The following METTL14 variants were observed in gnomAD, a reference collection of about 807,000 sequenced individuals.
The protein encoded by METTL14 is N(6)-adenosine-methyltransferase non-catalytic subunit METTL14.
In METTL14, 32 loss-of-function variants were observed where a neutral mutation model predicts 62.4. The ratio of observed to expected loss-of-function variants is 0.51; its 90% CI spans 0.39 to 0.69. The LOEUF (loss-of-function observed/expected upper bound fraction) is 0.69, where lower values mean the gene tolerates loss of function less well. Ranked by LOEUF, METTL14 falls within the 30% of genes least tolerant of loss-of-function variation. The pLI is 0.00. For synonymous variants in METTL14, 150 were observed against 180.0 expected (o/e 0.83, Z 1.34); for missense variants, 340 against 551.9 (o/e 0.62, Z 3.85).
chr4:118,692,172 A>C (rs1724267893), intron 5 of METTL14, 104 bp downstream of exon 5: 1 of 731,832 alleles, frequency 1.4e-6, no homozygotes, highest in Non-Finnish European at 2.3e-6. Context: ...CTCCAGCTTG[A>C]CATCTTTTTT....
intron 10 of METTL14, among the ~76,000 whole-genome samples, chr4:118,706,824 T>A (rs990301110): frequency 6.6e-6 from 1 of 152,200 alleles, no homozygotes; most frequent in Non-Finnish European, 1.5e-5. Context: ...ATTTTTCTGA[T>A]GACATATGAT....
rs70941201 is a variant in METTL14, at chr4:118,696,117, C to CAAAAAAAAAAAAAAAAA, written c.504-1053_504-1037dup. Among the ~76,000 whole-genome samples, 29 of 33,910 alleles carry CAAAAAAAAAAAAAAAAA rather than the reference C, an allele frequency of 8.6e-4. 3 individuals are homozygous for CAAAAAAAAAAAAAAAAA. The highest frequency in any genetic ancestry group is 1.4e-3 in the Admixed American group (3 of 2,118). The allele number at this position is 33,910 out of a possible 152,430, so 22.2% of individuals were successfully genotyped here. A position where few individuals can be genotyped will look rare whatever the true frequency, so the allele number is the denominator to read the frequency against. ...CTGGCAACAGAGTGAGACTCTGTCTCAAAAAAAAAAAAAAAAAAAAAAAAA... is the reference window on the plus strand; with the variant it reads ...CTGGCAACAGAGTGAGACTCTGTCTCAAAAAAAAAAAAAAAAAAAAAAAAAAAAAAAAAAAAAAAAAA... On this transcript the variant is annotated intron_variant, in intron 6 of 10. Transcript: ENST00000388822.
In METTL14 at chr4:118,712,125, C is replaced by T. The variant is rs1469857496; in HGVS notation, c.*1823C>T. On this transcript the variant is annotated 3_prime_UTR_variant, in exon 11 of 11. Coordinates refer to ENST00000388822, the MANE Select transcript of METTL14 (RefSeq NM_020961.4). Reference sequence around the variant, plus strand: ...TAAGACCCAGAATTTATCCCTTTGACAATGAATCTGGCCTTTTTAATAGCA... The same window carrying T: ...TAAGACCCAGAATTTATCCCTTTGATAATGAATCTGGCCTTTTTAATAGCA... 6.6e-6 allele frequency: 1 copy of T among 152,224 alleles called. No homozygotes were observed. Among genetic ancestry groups the T allele is most frequent in the Non-Finnish European group, 1.5e-5 (1 of 68,048 alleles). 9.4% of individuals were successfully genotyped at this position (152,224 alleles called of 1,614,324 possible).
chr4:118,704,675 G>A (rs1724703379), intron 9 of METTL14, among the ~76,000 whole-genome samples: 1 of 152,128 alleles, frequency 6.6e-6, no homozygotes, highest in South Asian at 2.1e-4. Flanking sequence ...AGAGGGCACA[G>A]CAGCTCCATG....
At position 118,703,924 on chromosome 4, in the gene METTL14, TTTGTTTC is replaced by T; in HGVS notation, c.739-9_739-3del. On this transcript the variant is annotated splice_polypyrimidine_tract_variant and splice_region_variant and intron_variant, in intron 8 of 10. Transcript: ENST00000388822. The stretch of plus-strand genomic sequence containing the variant: ...GTTAAGGATTTGTGTTTAAAATTCT[TTTGTTTC>T]TAGTGTTTACGAAAATGGGGTTACA... 7.0e-7 allele frequency: 1 copy of T among 1,433,026 alleles called. No homozygotes were observed. The highest frequency in any genetic ancestry group is 9.5e-7 in the Non-Finnish European group (1 of 1,049,870). The allele number at this position is 1,433,026 out of a possible 1,614,324, so 88.8% of individuals were successfully genotyped here.
At chr4:118,701,851 T>G (rs1002400404) in intron 8 of METTL14, among the ~76,000 whole-genome samples, 4 of 152,176 alleles carry the variant, frequency 2.6e-5, no homozygotes, top group African/African-American at 9.7e-5. Flanking sequence ...CTACAATTAC[T>G]GTATATTCTT....
At chr4:118,686,682 C>G in intron 1 of METTL14, 1 of 455,260 alleles carries the variant, frequency 2.2e-6, no homozygotes. Context: ...CTTCTTTTAT[C>G]GTATTATCTT....
chr4:118,700,334 A>G (rs1724551927), intron 7 of METTL14, among the ~76,000 whole-genome samples: 1 of 152,174 alleles, frequency 6.6e-6, no homozygotes, highest in Non-Finnish European at 1.5e-5. Flanking sequence ...ATATATGTAT[A>G]TATGTGCACA....
chr4:118,695,692 A>G (rs926545489), intron 6 of METTL14, among the ~76,000 whole-genome samples: 7 of 152,232 alleles, frequency 4.6e-5, no homozygotes, highest in Admixed American at 3.3e-4. Context: ...ATTCTTAACA[A>G]TTTGGAATAT....
chr4:118,692,327 C>T (rs1311840750), intron 5 of METTL14, among the ~76,000 whole-genome samples: 2 of 149,780 alleles, frequency 1.3e-5, no homozygotes, highest in Non-Finnish European at 3.0e-5. Context: ...CTCCCAGATT[C>T]GAGCGATTCT....
chr4:118,705,275 G>A (rs1242992076), intron 9 of METTL14, among the ~76,000 whole-genome samples: 1 of 152,128 alleles, frequency 6.6e-6, no homozygotes, highest in East Asian at 1.9e-4. Context: ...AGGAATTTGA[G>A]ACCAGCCTGA....
intron 6 of METTL14, 103 bp downstream of exon 6, chr4:118,694,629 G>A (rs1724352017): frequency 2.5e-6 from 2 of 815,542 alleles, no homozygotes; most frequent in Non-Finnish European, 4.1e-6. Context: ...CAGCACTTAT[G>A]TTAACATGCT....
At chr4:118,701,983 C>A (rs1724606270) in intron 8 of METTL14, among the ~76,000 whole-genome samples, 2 of 152,040 alleles carry the variant, frequency 1.3e-5, no homozygotes, top group African/African-American at 4.8e-5. Flanking sequence ...CTTCAAGATG[C>A]TATAGAAAAG....
Position 118,710,172 on chromosome 4 carries a change from G to T in METTL14, c.1241G>T (p.Arg414Ile). 1 of 1,614,226 alleles carries T rather than the reference G, an allele frequency of 6.2e-7. No individual in the cohort carries two copies. The highest frequency in any genetic ancestry group is 8.5e-7 in the Non-Finnish European group (1 of 1,180,042). The change falls in exon 11 of 11, where the codon AGA becomes ATA. Residue 414 changes from arginine (R) to isoleucine (I), a missense_variant. Transcript: ENST00000388822. ...SKSDRGGGAP[R>I]GGGRGGTSAG... ...TCTGACCGAGGAGGTGGAGCTCCCAGAGGTGGAGGAAGAGGTGGAACTTCT... is the reference window on the plus strand; with the variant it reads ...TCTGACCGAGGAGGTGGAGCTCCCATAGGTGGAGGAAGAGGTGGAACTTCT...
intron 7 of METTL14, among the ~76,000 whole-genome samples, chr4:118,698,986 T>A (rs141630794): frequency 6.6e-4 from 101 of 152,166 alleles, no homozygotes; most frequent in African/African-American, 2.3e-3. Flanking sequence ...TAAAAGAAAT[T>A]TAAAAACGAG....
chr4:118,692,051 A>G lies in METTL14; in HGVS notation c.395A>G (p.Asn132Ser). 1 of 1,608,870 alleles carries G rather than the reference A, an allele frequency of 6.2e-7. No homozygotes were observed. The highest frequency in any genetic ancestry group is 8.5e-7 in the Non-Finnish European group (1 of 1,176,596). ...GTAGACACTGGACATAGACCTCAGAATTTCATCAGGGATGTAGGTATGTCA... is the reference window on the plus strand; with the variant it reads ...GTAGACACTGGACATAGACCTCAGAGTTTCATCAGGGATGTAGGTATGTCA... ...HFVDTGHRPQ[N>S]FIRDVGLADR... Residue 132 changes from asparagine (N) to serine (S), a missense_variant, in exon 5 of 11, where the codon AAT (asparagine) becomes AGT (serine). This residue lies in a region of METTL14 where 16 missense variants were observed against 70.3 expected (regional missense o/e 0.23). Coordinates refer to ENST00000388822, the MANE Select transcript of METTL14 (RefSeq NM_020961.4).
chr4:118,691,537 A>T lies in METTL14; in HGVS notation c.249A>T (p.Glu83Asp). The T allele has an allele frequency of 6.5e-7, 1 of 1,540,996 alleles. No homozygotes were observed. The change falls in exon 4 of 11, where the codon GAA (glutamate) becomes GAT (aspartate). Residue 83 changes from glutamate to aspartate, a missense_variant. Glu to Asp is a conservative substitution (Grantham distance 45). This residue lies in a region of METTL14 where 111 missense variants were observed against 116.6 expected (regional missense o/e 0.95). Transcript: ENST00000388822. ...DEDKMEEYKD[E>D]LEMQQDEENL... ...TTAATCTTATGTTTTTCAAGGATGA[A>T]CTAGAAATGCAACAGGATGAAGAAA...
chr4:118,686,055 G>A (rs298981), intron 1 of METTL14, among the ~76,000 whole-genome samples: 40,187 of 152,188 alleles, frequency 0.26, 6,495 homozygotes, highest in East Asian at 0.51. Context: ...GAAGTAGCCT[G>A]AGTGTAAATT....
intron 6 of METTL14, among the ~76,000 whole-genome samples, chr4:118,694,774 A>G (rs1295038252): frequency 4.0e-5 from 6 of 151,432 alleles, no homozygotes. Flanking sequence ...TTCAGCCATC[A>G]CTCCTGGCTC....
Sources: gnomAD v4.1 joint callset for allele counts (sites outside exome capture counted in the v4.1 genomes callset) on GRCh38, gnomAD v4.1.1 for gene constraint, gnomAD v4.1.1 regional missense constraint, MANE v1.5 for transcripts, NCBI Gene and HGNC (gene_info 2026-07-23, HGNC 2026-07-21) for gene names.